Variants in DOK6 observed in about 807,000 individuals in gnomAD.
DOK6 encodes docking protein 6.
DOK6 carries 22 observed loss-of-function variants against 44.0 expected under a neutral mutation model. The observed-to-expected ratio is 0.50, with a 90% CI of 0.36 to 0.71. The LOEUF (loss-of-function observed/expected upper bound fraction) is 0.71. DOK6 is among the 30% of genes least tolerant of loss of function. DOK6 has a pLI of 0.00. For missense variants in DOK6, 340 were observed against 416.4 expected (o/e 0.82, Z 1.60); for synonymous variants, 166 against 145.5 (o/e 1.14, Z -1.01).
intron 1 of DOK6, among the ~76,000 whole-genome samples, chr18:69,402,286 A>T (rs1186991066): frequency 6.6e-6 from 1 of 152,146 alleles, no homozygotes; most frequent in African/African-American, 2.4e-5. Context: ...ACTGTTCTCC[A>T]ACTTCCAGTT....
At chr18:69,506,593 C>A (rs1419766605) in intron 1 of DOK6, among the ~76,000 whole-genome samples, 1 of 152,012 alleles carries the variant, frequency 6.6e-6, no homozygotes, top group East Asian at 1.9e-4. Flanking sequence ...ACTTCTTTTT[C>A]ATTGGCAAAT....
intron 1 of DOK6, among the ~76,000 whole-genome samples, chr18:69,490,770 T>G (rs1444657482): frequency 6.6e-6 from 1 of 152,256 alleles, no homozygotes; most frequent in African/African-American, 2.4e-5. Flanking sequence ...AAAAACATTT[T>G]GAGATCAATG....
chr18:69,464,526 T>C (rs1410009359), intron 1 of DOK6, among the ~76,000 whole-genome samples: 2 of 152,236 alleles, frequency 1.3e-5, no homozygotes, highest in Non-Finnish European at 2.9e-5. Flanking sequence ...TACACAATGG[T>C]ATTTTTATTT....
intron 6 of DOK6, among the ~76,000 whole-genome samples, chr18:69,751,377 T>G: frequency 1.3e-5 from 2 of 152,342 alleles, no homozygotes; most frequent in Middle Eastern, 6.8e-3. Context: ...ATTGTCAATT[T>G]ATAGTACAGT....
chr18:69,564,459 A>T (rs1982920929), intron 1 of DOK6, 28 bp from the exon 2 acceptor site: 1 of 1,598,964 alleles, frequency 6.3e-7, no homozygotes, highest in Admixed American at 1.7e-5. Context: ...AAAAATATGG[A>T]TAATGGGATT....
At chr18:69,689,104 T>C (rs763163533) in intron 4 of DOK6, among the ~76,000 whole-genome samples, 3 of 152,192 alleles carry the variant, frequency 2.0e-5, no homozygotes, top group Non-Finnish European at 4.4e-5. Context: ...CAAGTCATGA[T>C]GTGCGGGTAT....
chr18:69,799,840 G>T (rs1046683914), intron 7 of DOK6, among the ~76,000 whole-genome samples: 1 of 152,048 alleles, frequency 6.6e-6, no homozygotes, highest in South Asian at 2.1e-4. Context: ...AGTGTCTCCA[G>T]TCTCAGATAT....
intron 3 of DOK6, among the ~76,000 whole-genome samples, chr18:69,656,669 C>G (rs1301297714): frequency 6.6e-6 from 1 of 151,996 alleles, no homozygotes; most frequent in African/African-American, 2.4e-5. Flanking sequence ...AGACTTAAAA[C>G]AAAATATAAG....
At chr18:69,407,289 A>T (rs2122384023) in intron 1 of DOK6, among the ~76,000 whole-genome samples, 1 of 152,342 alleles carries the variant, frequency 6.6e-6, no homozygotes, top group East Asian at 1.9e-4. Context: ...TACAAACAAA[A>T]TTGAAATTAT....
At chr18:69,774,735 A>T (rs1456263128) in intron 7 of DOK6, among the ~76,000 whole-genome samples, 1 of 152,016 alleles carries the variant, frequency 6.6e-6, no homozygotes, top group Admixed American at 6.6e-5. Context: ...TAGAGTATGA[A>T]TATTGAACAC....
chr18:69,528,989 AT>A (rs1188056621), intron 1 of DOK6, among the ~76,000 whole-genome samples: 4 of 152,188 alleles, frequency 2.6e-5, no homozygotes, highest in Non-Finnish European at 5.9e-5. Context: ...CATTTCTAGA[AT>A]TCCAGCCCTT....
At position 69,401,251 on chromosome 18, in the gene DOK6, T is replaced by C; in HGVS notation, c.7T>C (p.Ser3Pro). The change falls in exon 1 of 8, where the codon TCC becomes CCC. Residue 3 changes from serine to proline, a missense_variant. Ser to Pro is a moderately conservative substitution (Grantham distance 74). Coordinates refer to ENST00000382713, the MANE Select transcript of DOK6 (RefSeq NM_152721.6). ...GAGCCCGATCGCGCTGGCCATGGCC[T>C]CCAACTTTAACGACATAGTCAAGCA... Reference protein sequence around the residue: MASNFNDIVKQGY... With the variant: MAPNFNDIVKQGY... The C allele has an allele frequency of 6.3e-7, 1 of 1,575,902 alleles. No homozygotes were observed. The highest frequency in any genetic ancestry group is 8.6e-7 in the Non-Finnish European group (1 of 1,162,132).
intron 1 of DOK6, among the ~76,000 whole-genome samples, chr18:69,516,519 C>A (rs913763872): frequency 1.3e-5 from 2 of 152,050 alleles, no homozygotes; most frequent in Admixed American, 6.6e-5. Context: ...TTGCAAGAAA[C>A]AATGAGATGG....
chr18:69,705,254 T>C (rs1053893254), intron 5 of DOK6: 3 of 152,216 alleles, frequency 2.0e-5, no homozygotes, highest in African/African-American at 7.2e-5. Context: ...TTATAAATAT[T>C]TTTTATTTAC....
intron 6 of DOK6, among the ~76,000 whole-genome samples, chr18:69,757,118 C>T (rs1048970989): frequency 3.9e-5 from 6 of 152,170 alleles, no homozygotes; most frequent in East Asian, 1.9e-4. Context: ...ATGTATGTTT[C>T]GAATAAACAA....
At position 69,756,380 on chromosome 18, in the gene DOK6, T is replaced by G. The variant is rs112347841; in HGVS notation, c.739-1376T>G. On this transcript the variant is annotated intron_variant, in intron 6 of 7. Transcript: ENST00000382713. ...CAGGAAAACTTTGAAGTCTACCAAATTTTGAAAAACAAAGAATGGCTGCAA... is the reference window on the plus strand; with the variant it reads ...CAGGAAAACTTTGAAGTCTACCAAAGTTTGAAAAACAAAGAATGGCTGCAA... 2.2e-3 allele frequency among the ~76,000 whole-genome samples: 333 copies of G among 152,184 alleles called. 7 individuals are homozygous for G. Among genetic ancestry groups the G allele is most frequent in the Middle Eastern group, 6.8e-3 (2 of 294 alleles).
At chr18:69,751,555 G>T (rs932262039) in intron 6 of DOK6, among the ~76,000 whole-genome samples, 1 of 152,134 alleles carries the variant, frequency 6.6e-6, no homozygotes, top group African/African-American at 2.4e-5. Context: ...TTGAGTGTGT[G>T]TAGAGAGATT....
intron 2 of DOK6, among the ~76,000 whole-genome samples, chr18:69,589,290 C>G (rs545623968): frequency 6.6e-6 from 1 of 151,872 alleles, no homozygotes; most frequent in South Asian, 2.1e-4. Flanking sequence ...ATTTTCCATC[C>G]TAATAAAGTT....
chr18:69,515,564 T>C (rs572676995), intron 1 of DOK6, among the ~76,000 whole-genome samples: 11 of 152,350 alleles, frequency 7.2e-5, no homozygotes, highest in African/African-American at 2.6e-4. Context: ...TTAATATTAT[T>C]TCTTTCTGCT....
Sources: allele counts gnomAD v4.1 joint callset (sites outside exome capture counted in the v4.1 genomes callset), GRCh38; gene constraint gnomAD v4.1.1; transcripts MANE v1.5; gene names NCBI Gene and HGNC (gene_info 2026-07-23, HGNC 2026-07-21).